The following PIEZO1 variants were observed in gnomAD, a reference collection of about 807,000 sequenced individuals.
PIEZO1 encodes the protein piezo-type mechanosensitive ion channel component 1.
A neutral mutation model predicts 297.2 loss-of-function variants in PIEZO1; 296 were observed. The ratio of observed to expected loss-of-function variants is 1.00; its 90% CI spans 0.91 to 1.10. The LOEUF is 1.10. PIEZO1 is among the 50% of genes least tolerant of loss of function. PIEZO1 has a pLI of 0.00. For missense variants in PIEZO1, 5,018 were observed against 3,455.5 expected (o/e 1.45, Z -11.34); for synonymous variants, 2,427 against 1,507.5 (o/e 1.61, Z -14.13).
intron 9 of PIEZO1, 36 bp from the exon 10 acceptor site, chr16:88,737,682 G>T (rs1301295912): frequency 6.5e-7 from 1 of 1,532,324 alleles, no homozygotes; most frequent in African/African-American, 1.4e-5. Context: ...GCACGGGCTG[G>T]CCGGGCGCCC....
intron 1 of PIEZO1, among the ~76,000 whole-genome samples, chr16:88,755,766 C>G (rs1906624312): frequency 6.6e-6 from 1 of 152,260 alleles, no homozygotes; most frequent in Admixed American, 6.5e-5. Context: ...CGGGGGCCCC[C>G]AGGCCAAGAG....
Position 88,727,206 on chromosome 16 carries a change from G to C in PIEZO1, c.3302-14C>G, listed in dbSNP as rs1904511391. ...GGAGAAAGTCGCCTGCAGGACACAG[G>C]AGCCGCCGCTGTGCCACACGGGGAC... On this transcript the variant is annotated splice_polypyrimidine_tract_variant and intron_variant, in intron 23 of 50. Coordinates refer to ENST00000301015, the MANE Select transcript of PIEZO1 (RefSeq NM_001142864.4). The C allele has an allele frequency of 6.6e-7, 1 of 1,524,716 alleles. No homozygotes were observed. The highest frequency in any genetic ancestry group is 2.5e-5 in the East Asian group (1 of 40,472). The allele number at this position is 1,524,716 out of a possible 1,614,324, so 94.4% of individuals were successfully genotyped here.
At chr16:88,727,276 G>A (rs919717448) in intron 23 of PIEZO1, 84 bp from the exon 24 acceptor site, 7 of 1,402,822 alleles carry the variant, frequency 5.0e-6, no homozygotes, top group Non-Finnish European at 6.6e-6. Flanking sequence ...TCCCACCCCA[G>A]GCCTGTCGGC....
intron 1 of PIEZO1, among the ~76,000 whole-genome samples, chr16:88,777,458 C>T (rs1051604358): frequency 6.6e-6 from 1 of 151,904 alleles, no homozygotes; most frequent in Admixed American, 6.6e-5. Flanking sequence ...TCCTCACTGT[C>T]ACTGGCCCGC....
rs1257210079 is a variant in PIEZO1, at chr16:88,743,033, C to A, written c.161-611G>T. ...TTCAGGCACCTGCTGTGCACCAGGT[C>A]AGGCCCCAGACCGGCATCCTCTCTC... On this transcript the variant is annotated intron_variant, in intron 2 of 50. Coordinates refer to ENST00000301015, the MANE Select transcript of PIEZO1 (RefSeq NM_001142864.4). 4.4e-5 allele frequency: 20 copies of A among 456,244 alleles called. No individual in the cohort carries two copies. The Middle Eastern group carries it at 4.6e-3, about 104-fold the overall frequency. 28.3% of individuals were successfully genotyped at this position (456,244 alleles called of 1,614,324 possible).
chr16:88,751,122 G>GCCCAT (rs1387465753), intron 1 of PIEZO1, among the ~76,000 whole-genome samples: 1 of 152,154 alleles, frequency 6.6e-6, no homozygotes, highest in African/African-American at 2.4e-5. Context: ...GCCCAGCCCA[G>GCCCAT]CCCAGCTCTC....
chr16:88,733,037 C>G, intron 19 of PIEZO1: 1 of 584,314 alleles, frequency 1.7e-6, no homozygotes, highest in South Asian at 2.1e-5. Flanking sequence ...CCCGTCCTCA[C>G]TGCCGGAGAC....
chr16:88,775,661 G>A (rs1023301900), intron 1 of PIEZO1, among the ~76,000 whole-genome samples: 3 of 150,398 alleles, frequency 2.0e-5, no homozygotes, highest in South Asian at 2.1e-4. Flanking sequence ...CCAGGGAGGC[G>A]GAGGGTGCAG....
Position 88,722,976 on chromosome 16 carries a change from G to A in PIEZO1, c.4529C>T (p.Thr1510Met), listed in dbSNP as rs8055062. The change falls in exon 34 of 51, where the codon ACG (threonine) becomes ATG (methionine). Residue 1510 changes from threonine (T) to methionine (M), a missense_variant. Coordinates refer to ENST00000301015, the MANE Select transcript of PIEZO1 (RefSeq NM_001142864.4). ...CCCCAGCATCCACAGGAACTGCGCC[G>A]TGCTCAGCACCCTCTGCACCACATG... ...RSHVVQRVLS[T>M]AQFLWMLGQA... is the part of the protein sequence containing the mutation. 410 of 1,548,472 alleles carry A rather than the reference G, an allele frequency of 2.6e-4. 5 individuals are homozygous for A. The African/African-American group carries it at 4.7e-3, about 18-fold the overall frequency.
rs1908127635 is a variant in PIEZO1, at chr16:88,785,163, C to T, written c.-199G>A. On this transcript the variant is annotated 5_prime_UTR_variant, in exon 1 of 51. Coordinates refer to ENST00000301015, the MANE Select transcript of PIEZO1 (RefSeq NM_001142864.4). ...GCTCGCTCAGGCGACCGCCCTGCCCCTCGGCGGAGCGCAGCGCTCGGCTCA... is the reference window on the plus strand; with the variant it reads ...GCTCGCTCAGGCGACCGCCCTGCCCTTCGGCGGAGCGCAGCGCTCGGCTCA... The T allele has an allele frequency of 3.5e-6, 1 of 289,764 alleles. No homozygotes were observed. Among genetic ancestry groups the T allele is most frequent in the Non-Finnish European group, 6.2e-6 (1 of 161,482 alleles). 17.9% of individuals were successfully genotyped at this position (289,764 alleles called of 1,614,324 possible). A position where few individuals can be genotyped will look rare whatever the true frequency, so the allele number is the denominator to read the frequency against.
intron 44 of PIEZO1, chr16:88,719,291 A>G (rs1237925755): frequency 4.8e-6 from 2 of 418,104 alleles, no homozygotes; most frequent in Admixed American, 4.0e-5. Flanking sequence ...AATGCAGCAA[A>G]CAGTGGCTGT....
chr16:88,772,277 C>G (rs1385069588), intron 1 of PIEZO1, among the ~76,000 whole-genome samples: 2 of 152,242 alleles, frequency 1.3e-5, no homozygotes, highest in East Asian at 3.8e-4. Flanking sequence ...GCCCAGAATC[C>G]CAGACGTATC....
chr16:88,766,888 G>A (rs1047304081), intron 1 of PIEZO1, among the ~76,000 whole-genome samples: 2 of 152,238 alleles, frequency 1.3e-5, no homozygotes, highest in African/African-American at 4.8e-5. Flanking sequence ...GCCCAAACTG[G>A]CTAGAGTGGG....
chr16:88,733,876 T>C, intron 17 of PIEZO1, 30 bp downstream of exon 17: 1 of 1,473,094 alleles, frequency 6.8e-7, no homozygotes. Context: ...GCAGACTGGG[T>C]GGCAGCTGTG....
chr16:88,720,589 C>T (rs1006761098), intron 40 of PIEZO1, 27 bp downstream of exon 40: 9 of 1,542,556 alleles, frequency 5.8e-6, no homozygotes, highest in East Asian at 4.9e-5. Context: ...CCCCACTCCC[C>T]AGCTGCCCCC....
At chr16:88,778,483 A>G (rs77206885) in intron 1 of PIEZO1, among the ~76,000 whole-genome samples, 9,970 of 152,266 alleles carry the variant, frequency 0.065, 457 homozygotes, top group Middle Eastern at 0.17. Flanking sequence ...TTATGCTATT[A>G]AAACACACCC....
chr16:88,717,927 C>G (rs1185832768), intron 44 of PIEZO1: 5 of 380,868 alleles, frequency 1.3e-5, no homozygotes, highest in Admixed American at 3.8e-5. Context: ...GCCAAAAATA[C>G]AAAAGACTAG....
chr16:88,722,360 C>CT lies in PIEZO1; in HGVS notation c.4812dup (p.Asp1605ArgfsTer18), dbSNP rs777133740. ...GTGCTCAGGGGGCTGCCCATGTCGT[C>CT]TGTCATGCTGCTGAGTGGCTCCTCC... is the stretch of plus-strand genomic sequence containing the variant. On this transcript the variant is annotated frameshift_variant, in exon 36 of 51. Coordinates refer to ENST00000301015, the MANE Select transcript of PIEZO1 (RefSeq NM_001142864.4). LOFTEE classifies it high-confidence loss of function. The CT allele has an allele frequency of 6.5e-7, 1 of 1,527,722 alleles. No individual in the cohort carries two copies. 94.6% of individuals were successfully genotyped at this position (1,527,722 alleles called of 1,614,324 possible).
intron 29 of PIEZO1, 85 bp from the exon 30 acceptor site, chr16:88,725,165 G>C (rs940345159): frequency 6.3e-6 from 6 of 955,786 alleles, no homozygotes; most frequent in Non-Finnish European, 7.7e-6. Flanking sequence ...TTGGAGACAG[G>C]ATAGGTGGAG....
Sources: allele counts gnomAD v4.1 joint callset (sites outside exome capture counted in the v4.1 genomes callset), GRCh38; gene constraint gnomAD v4.1.1; transcripts MANE v1.5; gene names NCBI Gene and HGNC (gene_info 2026-07-23, HGNC 2026-07-21).